The following ANO3 variants were observed in gnomAD, a reference collection of about 807,000 sequenced individuals.
ANO3 encodes the protein anoctamin-3.
Under a neutral mutation model 144.8 loss-of-function variants are expected in ANO3, and 99 were observed. The ratio of observed to expected loss-of-function variants is 0.68; its 90% CI spans 0.58 to 0.81. The LOEUF (loss-of-function observed/expected upper bound fraction) is 0.81. Among genes scored for constraint, ANO3 ranks in the 30% least tolerant of loss-of-function variants. ANO3 has a pLI of 0.00. For missense variants in ANO3, 905 were observed against 1,202.2 expected, an observed-to-expected ratio of 0.75 and a Z score of 3.66; for synonymous variants, 414 against 392.6, an observed-to-expected ratio of 1.05 and a Z score of -0.64.
intron 5 of ANO3, among the ~76,000 whole-genome samples, chr11:26,516,056 C>T (rs1445716632): frequency 1.3e-5 from 2 of 151,844 alleles, no homozygotes; most frequent in South Asian, 2.1e-4. Context: ...AGCTAAGTAT[C>T]GTGATGATTC....
At chr11:26,265,219 T>C (rs1853283463) in intron 1 of ANO3, among the ~76,000 whole-genome samples, 1 of 152,204 alleles carries the variant, frequency 6.6e-6, no homozygotes. Context: ...TACAAAACAT[T>C]TCAACTTACC....
intron 1 of ANO3, among the ~76,000 whole-genome samples, chr11:26,356,601 A>G (rs1453850360): frequency 6.6e-6 from 1 of 152,128 alleles, no homozygotes; most frequent in Non-Finnish European, 1.5e-5. Context: ...TGATTATTCT[A>G]TTATATTGTG....
At chr11:26,423,557 T>TA (rs1554952392) in intron 1 of ANO3, among the ~76,000 whole-genome samples, 4 of 151,916 alleles carry the variant, frequency 2.6e-5, no homozygotes, top group African/African-American at 4.8e-5. Flanking sequence ...TCAATTTTTT[T>TA]TAAAAAAAAG....
intron 1 of ANO3, among the ~76,000 whole-genome samples, chr11:26,235,012 G>GAGAGAGAGAGAGAGAGAGAGAA (rs771922780): frequency 0.013 from 2,037 of 151,870 alleles, 18 homozygotes; most frequent in Non-Finnish European, 0.019. Context: ...AAGAGAGAGA[G>GAGAGAGAGAGAGAGAGAGAGAA]AGAGAGAGAG....
chr11:26,589,941 A>G (rs1851395705), intron 14 of ANO3, among the ~76,000 whole-genome samples: 1 of 152,154 alleles, frequency 6.6e-6, no homozygotes, highest in Non-Finnish European at 1.5e-5. Context: ...TTTTCCCCCA[A>G]TCCAGTTTTC....
chr11:26,191,723 A>G (rs964821195), intron 1 of ANO3, among the ~76,000 whole-genome samples: 14 of 152,138 alleles, frequency 9.2e-5, no homozygotes, highest in African/African-American at 3.1e-4. Context: ...AATCTTCAAT[A>G]ATTATTTTCC....
intron 14 of ANO3, among the ~76,000 whole-genome samples, chr11:26,591,395 C>G (rs377745735): frequency 2.6e-5 from 4 of 152,234 alleles, no homozygotes; most frequent in African/African-American, 9.6e-5. Flanking sequence ...TGCAGTAGAT[C>G]TTAGTCATGG....
At chr11:26,421,307 T>C (rs1280203301) in intron 1 of ANO3, among the ~76,000 whole-genome samples, 2 of 152,068 alleles carry the variant, frequency 1.3e-5, no homozygotes, top group Non-Finnish European at 2.9e-5. Context: ...GACAGAGCTA[T>C]AATGATTTTG....
At chr11:26,444,849 G>T (rs1350831506) in intron 3 of ANO3, among the ~76,000 whole-genome samples, 3 of 152,046 alleles carry the variant, frequency 2.0e-5, no homozygotes, top group African/African-American at 7.3e-5. Context: ...TTTATGTGTG[G>T]CACAGAAACA....
At chr11:26,218,377 T>C (rs1852075840) in intron 1 of ANO3, among the ~76,000 whole-genome samples, 1 of 152,128 alleles carries the variant, frequency 6.6e-6, no homozygotes, top group South Asian at 2.1e-4. Context: ...ATTACAAATA[T>C]CTTGAATTTT....
At chr11:26,288,375 G>T (rs1052059698) in intron 1 of ANO3, among the ~76,000 whole-genome samples, 1 of 152,218 alleles carries the variant, frequency 6.6e-6, no homozygotes, top group Non-Finnish European at 1.5e-5. Flanking sequence ...TCAGCTGGCA[G>T]TAACAGTGGG....
At chr11:26,551,495 T>C (rs391320) in intron 12 of ANO3, among the ~76,000 whole-genome samples, 148,850 of 152,066 alleles carry the variant, frequency 0.98, 72,933 homozygotes, top group East Asian at 1. Context: ...TCAAGTTGAA[T>C]GTTGAGTAAC....
intron 1 of ANO3, among the ~76,000 whole-genome samples, chr11:26,237,352 T>A (rs992572534): frequency 1.4e-4 from 21 of 152,248 alleles, no homozygotes; most frequent in Admixed American, 8.5e-4. Flanking sequence ...TTTGATTACA[T>A]TTCTATTTTT....
chr11:26,613,290 T>C (rs1852153800), intron 17 of ANO3, among the ~76,000 whole-genome samples: 1 of 152,170 alleles, frequency 6.6e-6, no homozygotes, highest in South Asian at 2.1e-4. Context: ...GTCAATTGTA[T>C]TTTTTATTGT....
chr11:26,191,335 TACACACACACAC>T (rs746463223), intron 1 of ANO3, among the ~76,000 whole-genome samples: 2 of 144,128 alleles, frequency 1.4e-5, no homozygotes, highest in Admixed American at 7.0e-5. Context: ...TATACACACA[TACACACACACAC>T]ACACACACAC....
intron 1 of ANO3, among the ~76,000 whole-genome samples, chr11:26,220,627 G>A (rs1852123274): frequency 6.6e-6 from 1 of 152,222 alleles, no homozygotes; most frequent in South Asian, 2.1e-4. Flanking sequence ...CATTGGAGGA[G>A]ACAATATCTG....
chr11:26,602,750 C>A (rs1399537311), intron 17 of ANO3, among the ~76,000 whole-genome samples: 1 of 147,298 alleles, frequency 6.8e-6, no homozygotes. Context: ...GACCAAGTCT[C>A]AAAAAAAAAA....
chr11:26,412,708 G>A lies in ANO3; in HGVS notation c.47-29210G>A, dbSNP rs370341357. ...TACAGCTTACACACAATAATTGTAAGGCAAATAGAAATTACCAGTATTAGT... is the reference window on the plus strand; with the variant it reads ...TACAGCTTACACACAATAATTGTAAAGCAAATAGAAATTACCAGTATTAGT... On this transcript the variant is annotated intron_variant, in intron 1 of 26. Transcript: ENST00000256737. Among the ~76,000 whole-genome samples the A allele has an allele frequency of 8.6e-5, 13 of 151,514 alleles. No homozygotes were observed. The South Asian group carries it at 2.7e-3, about 32-fold the overall frequency.
At chr11:26,205,344 G>C (rs756487430) in intron 1 of ANO3, among the ~76,000 whole-genome samples, 33 of 152,168 alleles carry the variant, frequency 2.2e-4, no homozygotes, top group Non-Finnish European at 4.3e-4. Context: ...CTGGTCCTAA[G>C]AGTTAGGTAT....
Sources: gnomAD v4.1 joint callset for allele counts (sites outside exome capture counted in the v4.1 genomes callset) on GRCh38, gnomAD v4.1.1 for gene constraint, MANE v1.5 for transcripts, NCBI Gene and HGNC (gene_info 2026-07-23, HGNC 2026-07-21) for gene names.